SLC36A1: variants seen among roughly 807,000 people sequenced by gnomAD.
SLC36A1 encodes solute carrier family 36 member 1.
Under a neutral mutation model 47.5 loss-of-function variants are expected in SLC36A1, and 30 were observed. The observed-to-expected ratio is 0.63, with a 90% confidence interval of 0.47 to 0.86. The LOEUF is 0.86. SLC36A1 is among the 40% of genes least tolerant of loss of function. The pLI, the probability that SLC36A1 is intolerant of heterozygous loss-of-function variation, is 0.00. For missense variants in SLC36A1, 517 were observed against 606.0 expected (o/e 0.85, Z 1.54); for synonymous variants, 255 against 249.7 (o/e 1.02, Z -0.20).
the SLC36A1 span, among the ~76,000 whole-genome samples, chr5:151,391,154 T>C: frequency 1.6e-4 from 24 of 152,266 alleles, no homozygotes; most frequent in Middle Eastern, 6.8e-3. Flanking sequence ...CTAGGTATTT[T>C]ATTCTCTTTG....
At chr5:151,531,818 T>C in the SLC36A1 span, 6 of 1,612,938 alleles carry the variant, frequency 3.7e-6, no homozygotes, top group Non-Finnish European at 4.2e-6. The surrounding 1 kb of genome is among the most constrained non-coding windows in gnomAD (Gnocchi z 5.7). Flanking sequence ...GGTATTGGGG[T>C]GCCCAGGTCA....
the SLC36A1 span, among the ~76,000 whole-genome samples, chr5:151,397,748 G>A: frequency 1.2e-5 from 1 of 81,792 alleles, no homozygotes; most frequent in African/African-American, 5.4e-5. Flanking sequence ...TGGGCAACAA[G>A]AGCAAAACTC....
At chr5:151,463,098 A>C (rs1221334282) in intron 2 of SLC36A1, among the ~76,000 whole-genome samples, 4 of 151,862 alleles carry the variant, frequency 2.6e-5, no homozygotes, top group African/African-American at 9.7e-5. Flanking sequence ...CTGGTCTCGA[A>C]CTCCTGACCT....
chr5:151,545,869 T>C, the SLC36A1 span: 1 of 1,614,248 alleles, frequency 6.2e-7, no homozygotes. Flanking sequence ...AGGAGCATTG[T>C]CATTTTCATC....
the SLC36A1 span, among the ~76,000 whole-genome samples, chr5:151,428,207 T>G: frequency 6.6e-6 from 1 of 152,178 alleles, no homozygotes; most frequent in African/African-American, 2.4e-5. Context: ...TCTGATATTT[T>G]TCTGCCTCAA....
At chr5:151,351,207 C>T in the SLC36A1 span, among the ~76,000 whole-genome samples, 3 of 152,064 alleles carry the variant, frequency 2.0e-5, no homozygotes, top group African/African-American at 7.2e-5. Flanking sequence ...TACTGTCTCA[C>T]CGATTGGGAA....
At chr5:151,508,789 T>G in the SLC36A1 span, among the ~76,000 whole-genome samples, 3 of 151,930 alleles carry the variant, frequency 2.0e-5, no homozygotes, top group Non-Finnish European at 4.4e-5. Flanking sequence ...TGGGCCTCAG[T>G]TACTGCAGCT....
the SLC36A1 span, chr5:151,507,232 T>TG: frequency 6.2e-7 from 1 of 1,613,790 alleles, no homozygotes; most frequent in Non-Finnish European, 8.5e-7. Flanking sequence ...GGCGGGAGTC[T>TG]GGGGGGCACA....
the SLC36A1 span, among the ~76,000 whole-genome samples, chr5:151,383,566 C>A: frequency 7.7e-6 from 1 of 130,418 alleles, no homozygotes. Context: ...TGCATTTTAA[C>A]TTAAATTTTT....
intron 5 of SLC36A1, among the ~76,000 whole-genome samples, chr5:151,465,945 TAAA>T (rs35854261): frequency 1.4e-5 from 2 of 146,952 alleles, no homozygotes; most frequent in East Asian, 3.9e-4. Context: ...TAAAAATTCT[TAAA>T]AAAAAAAAAA....
chr5:151,389,422 A>T, the SLC36A1 span, among the ~76,000 whole-genome samples: 74,655 of 150,866 alleles, frequency 0.49, 20,381 homozygotes, highest in African/African-American at 0.75. Context: ...ATTTTTTTTT[A>T]AATTATACTT....
downstream of SLC36A1, among the ~76,000 whole-genome samples, chr5:151,494,251 T>C (rs1466149289): frequency 1.3e-5 from 2 of 152,212 alleles, no homozygotes; most frequent in African/African-American, 2.4e-5. Flanking sequence ...GTGTCTTTAA[T>C]GGGTATGCTT....
chr5:151,481,235 G>T (rs1758756345), intron 10 of SLC36A1, among the ~76,000 whole-genome samples: 2 of 152,214 alleles, frequency 1.3e-5, no homozygotes, highest in Non-Finnish European at 2.9e-5. Context: ...TGGTCTTCAA[G>T]TGTGTGCAGT....
chr5:151,471,846 C>G lies in SLC36A1; in HGVS notation c.724-1827C>G, dbSNP rs1185424523. ...TGTTAAGAGCATGCCCCGTATTATCCAAATAGCCATACAGTTAAATCAATT... is the reference window on the plus strand; with the variant it reads ...TGTTAAGAGCATGCCCCGTATTATCGAAATAGCCATACAGTTAAATCAATT... On this transcript the variant is annotated intron_variant, in intron 7 of 10. Transcript: ENST00000243389. Among the ~76,000 whole-genome samples the G allele has an allele frequency of 7.2e-5, 11 of 152,284 alleles. No homozygotes were observed. The East Asian group carries it at 1.9e-3, about 27-fold the overall frequency.
intron 1 of SLC36A1, 89 bp from the exon 2 acceptor site, chr5:151,458,699 A>G (rs913472858): frequency 9.2e-6 from 13 of 1,413,290 alleles, no homozygotes; most frequent in Non-Finnish European, 1.2e-5. Context: ...CAACTCTGAC[A>G]ATGACAGCTT....
At chr5:151,350,948 G>A in the SLC36A1 span, among the ~76,000 whole-genome samples, 1 of 152,132 alleles carries the variant, frequency 6.6e-6, no homozygotes, top group Admixed American at 6.5e-5. Flanking sequence ...GCCTCCCAAA[G>A]TGCTGGGATT....
chr5:151,353,166 A>G, the SLC36A1 span, among the ~76,000 whole-genome samples: 1 of 152,232 alleles, frequency 6.6e-6, no homozygotes, highest in Non-Finnish European at 1.5e-5. Flanking sequence ...AAACATATAT[A>G]TGTATGTGTG....
chr5:151,382,975 A>G, the SLC36A1 span, among the ~76,000 whole-genome samples: 4 of 152,362 alleles, frequency 2.6e-5, no homozygotes, highest in East Asian at 7.7e-4. Flanking sequence ...CATTAAAGCC[A>G]GGATGGTCTC....
the SLC36A1 span, chr5:151,540,636 C>A: frequency 1.2e-6 from 2 of 1,614,224 alleles, no homozygotes; most frequent in Non-Finnish European, 1.7e-6. Flanking sequence ...AAGCCTGGAA[C>A]TTGCCATCAG....
Sources: gnomAD v4.1 joint callset for allele counts (sites outside exome capture counted in the v4.1 genomes callset) on GRCh38, gnomAD v4.1.1 for gene constraint, Gnocchi (gnomAD v3.1) non-coding constraint, MANE v1.5 for transcripts, NCBI Gene and HGNC (gene_info 2026-07-23, HGNC 2026-07-21) for gene names.